The following APBB2 variants were observed in gnomAD, a reference collection of about 807,000 sequenced individuals.
APBB2 encodes the protein amyloid beta precursor protein binding family B member 2.
Under a neutral mutation model 82.5 loss-of-function variants are expected in APBB2, and 38 were observed. The observed-to-expected ratio is 0.46, with a 90% CI of 0.36 to 0.60. APBB2 has a LOEUF of 0.60. APBB2 is among the 20% of genes least tolerant of loss of function. The probability of loss-of-function intolerance (pLI) is 0.00; values close to 1 mark genes in which losing one functional copy is unlikely to be tolerated. For missense variants in APBB2, 772 were observed against 972.3 expected (o/e 0.79, Z 2.74); for synonymous variants, 341 against 368.2 (o/e 0.93, Z 0.85).
At chr4:40,923,257 G>C (rs1781795461) in intron 10 of APBB2, among the ~76,000 whole-genome samples, 1 of 152,262 alleles carries the variant, frequency 6.6e-6, no homozygotes, top group African/African-American at 2.4e-5. Context: ...TTACAGGCGT[G>C]AGCCACGGTC....
At chr4:40,865,312 A>T (rs6857846) in intron 12 of APBB2, among the ~76,000 whole-genome samples, 49,991 of 152,010 alleles carry the variant, frequency 0.33, 8,345 homozygotes, top group Admixed American at 0.34. Context: ...AAGTTCCATG[A>T]TTGTAATTTG....
intron 2 of APBB2, among the ~76,000 whole-genome samples, chr4:41,122,609 G>A (rs563871956): frequency 2.6e-4 from 40 of 152,150 alleles, no homozygotes; most frequent in African/African-American, 9.4e-4. Context: ...CTATTGTTTT[G>A]ATCCTACTTT....
intron 12 of APBB2, among the ~76,000 whole-genome samples, chr4:40,840,908 A>G (rs1289756904): frequency 1.3e-5 from 2 of 152,258 alleles, no homozygotes; most frequent in East Asian, 3.9e-4. Context: ...TGTCCTCCCC[A>G]TTGACTCTGA....
chr4:40,947,334 T>C (rs1173854549), intron 6 of APBB2, among the ~76,000 whole-genome samples: 1 of 152,248 alleles, frequency 6.6e-6, no homozygotes, highest in African/African-American at 2.4e-5. Flanking sequence ...TTCTGTGGTT[T>C]ATGAGGACTG....
At chr4:41,048,638 T>C (rs1724305206) in intron 4 of APBB2, among the ~76,000 whole-genome samples, 5 of 144,792 alleles carry the variant, frequency 3.5e-5, no homozygotes, top group African/African-American at 7.8e-5. Context: ...CCTCTCCCTA[T>C]CCCTCCCCCT....
At chr4:40,998,963 T>C (rs1804385512) in intron 6 of APBB2, among the ~76,000 whole-genome samples, 1 of 150,598 alleles carries the variant, frequency 6.6e-6, no homozygotes, top group Non-Finnish European at 1.5e-5. Context: ...CCGAGAACGG[T>C]GTGCAGCTTA....
At chr4:41,078,120 C>A (rs1276409925) in intron 3 of APBB2, among the ~76,000 whole-genome samples, 1 of 152,026 alleles carries the variant, frequency 6.6e-6, no homozygotes, top group African/African-American at 2.4e-5. Context: ...TTAGAGAGTA[C>A]AAGCGCAGGT....
chr4:41,108,013 G>T (rs1341258526), intron 2 of APBB2, among the ~76,000 whole-genome samples: 1 of 152,186 alleles, frequency 6.6e-6, no homozygotes, highest in East Asian at 1.9e-4. Context: ...ATTTATTGGT[G>T]ATCATCTTAT....
intron 2 of APBB2, among the ~76,000 whole-genome samples, chr4:41,128,669 C>T (rs1385239440): frequency 6.6e-6 from 1 of 152,148 alleles, no homozygotes; most frequent in Admixed American, 6.5e-5. Context: ...GTTCTAGGGG[C>T]TGGATATACA....
intron 1 of APBB2, among the ~76,000 whole-genome samples, chr4:41,202,174 C>T (rs1776861962): frequency 2.0e-5 from 3 of 152,196 alleles, no homozygotes; most frequent in Non-Finnish European, 4.4e-5. Context: ...CAAAACTTTT[C>T]GTCTTCCCCA....
intron 13 of APBB2, among the ~76,000 whole-genome samples, chr4:40,827,707 C>T (rs1750424155): frequency 6.6e-6 from 1 of 152,182 alleles, no homozygotes; most frequent in Admixed American, 6.5e-5. Context: ...CTCCACTGCA[C>T]ACGGAGGTGG....
At chr4:40,885,742 T>C (rs1415040761) in intron 12 of APBB2, among the ~76,000 whole-genome samples, 1 of 152,242 alleles carries the variant, frequency 6.6e-6, no homozygotes, top group Non-Finnish European at 1.5e-5. Flanking sequence ...CGAATTTAAA[T>C]GAATGAGTTT....
intron 6 of APBB2, among the ~76,000 whole-genome samples, chr4:40,983,221 GGGATTCAAGCCCA>G (rs1799580367): frequency 6.6e-6 from 1 of 152,144 alleles, no homozygotes; most frequent in South Asian, 2.1e-4. Context: ...TGGTGGTGCT[GGGATTCAAGCCCA>G]GGCAGTCTTG....
chr4:40,849,725 C>CTTTTTT (rs758207803), intron 12 of APBB2, among the ~76,000 whole-genome samples: 5 of 123,252 alleles, frequency 4.1e-5, no homozygotes, highest in African/African-American at 9.2e-5. Flanking sequence ...ACTAAAGTTA[C>CTTTTTT]TTTTTTTTTT....
intron 4 of APBB2, among the ~76,000 whole-genome samples, chr4:41,053,354 G>A (rs1726753108): frequency 6.6e-6 from 1 of 151,264 alleles, no homozygotes; most frequent in African/African-American, 2.4e-5. Context: ...AAGTAATCCT[G>A]AGTGTTATAC....
intron 2 of APBB2, among the ~76,000 whole-genome samples, chr4:41,104,314 G>A (rs1186138880): frequency 2.6e-5 from 4 of 152,152 alleles, no homozygotes; most frequent in African/African-American, 9.7e-5. Flanking sequence ...TTAGTCATGA[G>A]TGTGCTTAGT....
At chr4:41,199,448 G>A (rs147766815) in intron 1 of APBB2, among the ~76,000 whole-genome samples, 10 of 152,176 alleles carry the variant, frequency 6.6e-5, no homozygotes, top group East Asian at 1.9e-4. Flanking sequence ...TCCAAGGGCA[G>A]TACTTATAAT....
In APBB2 at chr4:40,853,141, A is replaced by G. The variant is rs1012899026; in HGVS notation, c.1530-22564T>C. On this transcript the variant is annotated intron_variant, in intron 12 of 17. Transcript: ENST00000508593. ...TCAACTTGGCGAGTTCAACCTCCAC[A>G]TTTCCCCCACCCACCTGCTTCTCTT... 4.6e-4 allele frequency among the ~76,000 whole-genome samples: 70 copies of G among 152,116 alleles called. 1 individual carries two copies. Among genetic ancestry groups the G allele is most frequent in the African/African-American group, 1.6e-3 (65 of 41,486 alleles).
At chr4:41,020,278 C>A (rs927074967) in intron 5 of APBB2, among the ~76,000 whole-genome samples, 1 of 152,196 alleles carries the variant, frequency 6.6e-6, no homozygotes, top group Non-Finnish European at 1.5e-5. Flanking sequence ...GGTTTCCTAA[C>A]AGGGGATCTA....
Sources: allele counts gnomAD v4.1 joint callset (sites outside exome capture counted in the v4.1 genomes callset), GRCh38; gene constraint gnomAD v4.1.1; transcripts MANE v1.5; gene names NCBI Gene and HGNC (gene_info 2026-07-23, HGNC 2026-07-21).